The following CNTN5 variants were observed in gnomAD, a reference collection of about 807,000 sequenced individuals.
CNTN5 encodes contactin-5.
In CNTN5, 77 loss-of-function variants were observed where a neutral mutation model predicts 129.1. The observed-to-expected ratio is 0.60, with a 90% CI of 0.50 to 0.72. The LOEUF is 0.72. Among genes scored for constraint, CNTN5 ranks in the 30% least tolerant of loss-of-function variants. The pLI, the probability that CNTN5 is intolerant of heterozygous loss-of-function variation, is 0.00. For missense variants in CNTN5, 1,478 were observed against 1,328.8 expected (o/e 1.11, Z -1.75); for synonymous variants, 509 against 465.6 (o/e 1.09, Z -1.20).
In CNTN5 at chr11:99,046,617, C is replaced by A. The variant is rs1213853861; in HGVS notation, c.-210+25347C>A. Among the ~76,000 whole-genome samples the A allele has an allele frequency of 3.3e-5, 5 of 151,956 alleles. No homozygotes were observed. The East Asian group carries it at 9.6e-4, about 29-fold the overall frequency. ...TCAGCACTCTAGCTAGGAATTTAAGCCGAGAAAGGTATAATATCTTCATGA... is the reference window on the plus strand; with the variant it reads ...TCAGCACTCTAGCTAGGAATTTAAGACGAGAAAGGTATAATATCTTCATGA... On this transcript the variant is annotated intron_variant, in intron 1 of 24. Coordinates refer to ENST00000524871, the MANE Select transcript of CNTN5 (RefSeq NM_014361.4).
At chr11:100,181,004 C>T (rs536993803) in intron 13 of CNTN5, among the ~76,000 whole-genome samples, 49 of 152,028 alleles carry the variant, frequency 3.2e-4, no homozygotes, top group African/African-American at 8.9e-4. Context: ...CTGTTTCTTA[C>T]GAAACTACAT....
intron 3 of CNTN5, among the ~76,000 whole-genome samples, chr11:99,648,616 G>A (rs968136323): frequency 2.6e-5 from 4 of 151,696 alleles, no homozygotes; most frequent in South Asian, 2.1e-4. Context: ...CTCACCCTAC[G>A]TTTATTGCAG....
At chr11:99,833,920 G>A (rs1003699066) in intron 4 of CNTN5, among the ~76,000 whole-genome samples, 2 of 152,070 alleles carry the variant, frequency 1.3e-5, no homozygotes, top group Non-Finnish European at 2.9e-5. Flanking sequence ...GTTATTCAAG[G>A]ATGTAACTTT....
At chr11:99,305,078 T>C (rs1174937903) in intron 1 of CNTN5, among the ~76,000 whole-genome samples, 1 of 152,164 alleles carries the variant, frequency 6.6e-6, no homozygotes, top group Non-Finnish European at 1.5e-5. Flanking sequence ...GTGGTTGATT[T>C]AGAAGAAATT....
At chr11:99,382,693 A>G (rs1365486735) in intron 2 of CNTN5, among the ~76,000 whole-genome samples, 3 of 152,064 alleles carry the variant, frequency 2.0e-5, no homozygotes, top group Middle Eastern at 3.4e-3. Flanking sequence ...GGTGATCTGG[A>G]AATATCCTAT....
At chr11:99,791,182 A>T (rs1945729042) in intron 3 of CNTN5, among the ~76,000 whole-genome samples, 1 of 151,698 alleles carries the variant, frequency 6.6e-6, no homozygotes, top group South Asian at 2.1e-4. Flanking sequence ...TTTTGTTGCA[A>T]TTGATTTTGG....
At chr11:99,606,370 C>T (rs368181348) in intron 3 of CNTN5, among the ~76,000 whole-genome samples, 1 of 134,830 alleles carries the variant, frequency 7.4e-6, no homozygotes, top group East Asian at 2.2e-4. Context: ...GAATAAAATA[C>T]CTAGGAATCC....
intron 1 of CNTN5, among the ~76,000 whole-genome samples, chr11:99,188,634 T>C (rs1282787568): frequency 6.6e-6 from 1 of 151,814 alleles, no homozygotes; most frequent in Non-Finnish European, 1.5e-5. Context: ...TCTTTTTATT[T>C]ATAACCATTA....
At chr11:99,819,787 C>T (rs764796964) in intron 4 of CNTN5, 22 bp downstream of exon 4, 1 of 1,473,832 alleles carries the variant, frequency 6.8e-7, no homozygotes, top group African/African-American at 1.4e-5. Flanking sequence ...AGGAAAATGG[C>T]TCCAGATAGA....
intron 21 of CNTN5, among the ~76,000 whole-genome samples, chr11:100,315,441 T>A (rs1473529238): frequency 6.6e-6 from 1 of 152,174 alleles, no homozygotes; most frequent in African/African-American, 2.4e-5. Context: ...CTAAGAATAG[T>A]TTTGCAAAAG....
chr11:100,138,739 G>A (rs1012700927), intron 13 of CNTN5, among the ~76,000 whole-genome samples: 2 of 152,032 alleles, frequency 1.3e-5, no homozygotes, highest in Admixed American at 1.3e-4. Context: ...TGTTGAGGAG[G>A]GGATCATGAT....
At chr11:99,224,969 G>A (rs1250548242) in intron 1 of CNTN5, among the ~76,000 whole-genome samples, 2 of 151,954 alleles carry the variant, frequency 1.3e-5, no homozygotes, top group Non-Finnish European at 2.9e-5. Context: ...AATTTTGGAG[G>A]GACTAGCAGT....
intron 3 of CNTN5, among the ~76,000 whole-genome samples, chr11:99,690,030 C>A (rs1953974087): frequency 1.3e-5 from 2 of 152,234 alleles, no homozygotes; most frequent in South Asian, 4.1e-4. Context: ...ATGATACTGC[C>A]TAGTTTTCAT....
At chr11:99,814,533 G>T (rs1946522390) in intron 3 of CNTN5, among the ~76,000 whole-genome samples, 1 of 152,092 alleles carries the variant, frequency 6.6e-6, no homozygotes, top group African/African-American at 2.4e-5. Context: ...TACAGAGTGT[G>T]TCGACAGTTG....
At chr11:99,624,991 G>C (rs1003406056) in intron 3 of CNTN5, among the ~76,000 whole-genome samples, 1 of 152,188 alleles carries the variant, frequency 6.6e-6, no homozygotes, top group African/African-American at 2.4e-5. Flanking sequence ...AGTTACCTGA[G>C]ATGCTGTTTT....
intron 21 of CNTN5, chr11:100,309,036 T>G: frequency 1.0e-6 from 1 of 985,086 alleles, no homozygotes; most frequent in Non-Finnish European, 1.2e-6. Flanking sequence ...CCGCAGAGAA[T>G]AGCAGATTGT....
At chr11:99,214,931 C>G (rs1184354247) in intron 1 of CNTN5, among the ~76,000 whole-genome samples, 2 of 151,956 alleles carry the variant, frequency 1.3e-5, no homozygotes, top group Non-Finnish European at 2.9e-5. Flanking sequence ...TAGTTATTCT[C>G]AAGTAAGTCT....
intron 1 of CNTN5, among the ~76,000 whole-genome samples, chr11:99,106,549 G>C (rs181599434): frequency 6.6e-6 from 1 of 151,752 alleles, no homozygotes; most frequent in South Asian, 2.1e-4. Context: ...TAATACATTT[G>C]GTTGTCATTT....
intron 3 of CNTN5, among the ~76,000 whole-genome samples, chr11:99,648,981 T>C (rs573719909): frequency 3.3e-5 from 5 of 151,876 alleles, no homozygotes; most frequent in African/African-American, 9.6e-5. Context: ...GAATAAGTTA[T>C]AGTATTCTAT....
Sources: allele counts gnomAD v4.1 joint callset (sites outside exome capture counted in the v4.1 genomes callset), GRCh38; gene constraint gnomAD v4.1.1; transcripts MANE v1.5; gene names NCBI Gene and HGNC (gene_info 2026-07-23, HGNC 2026-07-21).